Variants in CACNG2 observed in about 807,000 individuals in gnomAD.
CACNG2 encodes the protein voltage-dependent calcium channel gamma-2 subunit.
A neutral mutation model predicts 25.9 loss-of-function variants in CACNG2; 3 were observed. The observed-to-expected ratio is 0.12, with a 90% CI of 0.05 to 0.30. CACNG2 has a LOEUF of 0.30. CACNG2 is among the 10% of genes least tolerant of loss of function. The pLI, the probability that CACNG2 is intolerant of heterozygous loss-of-function variation, is 1.00. For missense variants in CACNG2, 341 were observed against 432.5 expected (o/e 0.79, Z 1.88); for synonymous variants, 167 against 173.3 (o/e 0.96, Z 0.29).
chr22:36,579,489 A>G (rs986936281), intron 2 of CACNG2, among the ~76,000 whole-genome samples: 4 of 142,864 alleles, frequency 2.8e-5, no homozygotes, highest in South Asian at 2.3e-4. Context: ...CCACCTCTCC[A>G]CTACCGGGCC....
intron 1 of CACNG2, among the ~76,000 whole-genome samples, chr22:36,679,197 C>CCTTCCTTCCTTTCTTTCTTTCTTT (rs1491420417): frequency 1.3e-3 from 73 of 54,748 alleles, no homozygotes; most frequent in African/African-American, 4.6e-3. Context: ...TTCCTTCCTT[C>CCTTCCTTCCTTTCTTTCTTTCTTT]CTTTCTTTCT....
chr22:36,613,603 G>A (rs1242754715), intron 1 of CACNG2, among the ~76,000 whole-genome samples: 1 of 151,814 alleles, frequency 6.6e-6, no homozygotes, highest in Non-Finnish European at 1.5e-5. Flanking sequence ...TCTCTCTTTG[G>A]CTGTCTTCTC....
chr22:36,640,266 G>C (rs1347886811), intron 1 of CACNG2, among the ~76,000 whole-genome samples: 2 of 152,230 alleles, frequency 1.3e-5, no homozygotes, highest in African/African-American at 2.4e-5. Flanking sequence ...GAAGCCTGCT[G>C]TGTCCACAGA....
chr22:36,692,522 C>T (rs1189417965), intron 1 of CACNG2, among the ~76,000 whole-genome samples: 1 of 152,184 alleles, frequency 6.6e-6, no homozygotes, highest in African/African-American at 2.4e-5. Context: ...TCCCAGGTTG[C>T]AGGGGAAACA....
At chr22:36,701,793 G>A (rs1041612088) in intron 1 of CACNG2, among the ~76,000 whole-genome samples, 5 of 152,102 alleles carry the variant, frequency 3.3e-5, no homozygotes, top group African/African-American at 7.2e-5. Flanking sequence ...TAGACATTAC[G>A]AAATGCTCTT....
chr22:36,639,227 A>G (rs1936405203), intron 1 of CACNG2, among the ~76,000 whole-genome samples: 1 of 152,238 alleles, frequency 6.6e-6, no homozygotes, highest in Non-Finnish European at 1.5e-5. Context: ...CTGTTTTGAT[A>G]TGAAATTGAA....
At chr22:36,644,985 C>T (rs756138646) in intron 1 of CACNG2, among the ~76,000 whole-genome samples, 19 of 152,126 alleles carry the variant, frequency 1.2e-4, no homozygotes, top group Non-Finnish European at 2.5e-4. Context: ...TACTTTCATC[C>T]TTCTATCAAA....
At chr22:36,679,916 T>A (rs1879264042) in intron 1 of CACNG2, among the ~76,000 whole-genome samples, 1 of 152,034 alleles carries the variant, frequency 6.6e-6, no homozygotes, top group Non-Finnish European at 1.5e-5. Context: ...CCTGTTATCA[T>A]CACAAGCACC....
chr22:36,663,683 G>A (rs962826178), intron 1 of CACNG2, among the ~76,000 whole-genome samples: 1 of 152,140 alleles, frequency 6.6e-6, no homozygotes, highest in East Asian at 1.9e-4. Flanking sequence ...TGCAGCGCTC[G>A]CAGAGTCCTC....
intron 1 of CACNG2, among the ~76,000 whole-genome samples, chr22:36,615,322 A>T (rs140891106): frequency 2.0e-5 from 3 of 152,254 alleles, no homozygotes; most frequent in Admixed American, 6.5e-5. Context: ...CCTGTATCTC[A>T]TGGGTACCAC....
chr22:36,644,130 G>A (rs1243907250), intron 1 of CACNG2, among the ~76,000 whole-genome samples: 2 of 152,158 alleles, frequency 1.3e-5, no homozygotes, highest in Non-Finnish European at 2.9e-5. Flanking sequence ...TGCAACGGGA[G>A]GACTAAATAT....
At position 36,564,090 on chromosome 22, in the gene CACNG2, C is replaced by T. The variant is rs952794102; in HGVS notation, c.*261G>A. ...TTTTTTTTAAAGTTTGTTTTCTTCC[C>T]TCGTTTATATTTTCCCACATTTCCT... On this transcript the variant is annotated 3_prime_UTR_variant, in exon 4 of 4. Coordinates refer to ENST00000300105, the MANE Select transcript of CACNG2 (RefSeq NM_006078.5). The surrounding 1 kb of genome is among the most constrained non-coding windows in gnomAD (Gnocchi z 6.7). 12 of 339,598 alleles carry T rather than the reference C, an allele frequency of 3.5e-5. 1 individual carries two copies. In the South Asian group the frequency reaches 1.2e-3, roughly 35 times the overall value. 21.0% of individuals were successfully genotyped at this position (339,598 alleles called of 1,614,324 possible). A position where few individuals can be genotyped will look rare whatever the true frequency, so the allele number is the denominator to read the frequency against.
intron 1 of CACNG2, among the ~76,000 whole-genome samples, chr22:36,689,837 A>G (rs1342909883): frequency 2.0e-5 from 3 of 152,244 alleles, no homozygotes; most frequent in Non-Finnish European, 2.9e-5. Flanking sequence ...GGTCAAGGTC[A>G]GAAAATGTCA....
Position 36,702,786 on chromosome 22 carries a change from C to T in CACNG2, c.-210G>A. On this transcript the variant is annotated 5_prime_UTR_variant, in exon 1 of 4. In the 5' UTR this introduces an upstream ATG that the reference lacks. Coordinates refer to ENST00000300105, the MANE Select transcript of CACNG2 (RefSeq NM_006078.5). ...AAAAGAGTGTAAATTATAAAGATCA[C>T]ACGGGAAGAGGCTTGCCTTTTGAGA... 1 of 493,924 alleles carries T rather than the reference C, an allele frequency of 2.0e-6. No homozygotes were observed. 30.6% of individuals were successfully genotyped at this position (493,924 alleles called of 1,614,324 possible).
chr22:36,651,289 T>C (rs557223632), intron 1 of CACNG2, among the ~76,000 whole-genome samples: 2 of 143,578 alleles, frequency 1.4e-5, no homozygotes, highest in African/African-American at 5.1e-5. Context: ...AGTGTAGTGA[T>C]GCAATCTCGG....
chr22:36,568,990 T>C (rs1257634380), intron 2 of CACNG2, among the ~76,000 whole-genome samples: 1 of 152,078 alleles, frequency 6.6e-6, no homozygotes. Context: ...TTGCAAATCA[T>C]TGCTAAGACA....
At chr22:36,660,827 A>C (rs1239775124) in intron 1 of CACNG2, among the ~76,000 whole-genome samples, 1 of 152,268 alleles carries the variant, frequency 6.6e-6, no homozygotes, top group Non-Finnish European at 1.5e-5. Flanking sequence ...CTACTCTGCT[A>C]AAGTTTTTTA....
At chr22:36,576,900 C>G (rs964683260) in intron 2 of CACNG2, among the ~76,000 whole-genome samples, 1 of 152,118 alleles carries the variant, frequency 6.6e-6, no homozygotes, top group East Asian at 1.9e-4. Flanking sequence ...TGAACGTGTG[C>G]TATATATAAT....
In CACNG2 at chr22:36,623,310, CA is replaced by C. The variant is rs1478610351; in HGVS notation, c.212-35763del. Among the ~76,000 whole-genome samples the C allele has an allele frequency of 3.9e-5, 6 of 152,206 alleles. 1 individual carries two copies. In the South Asian group the frequency reaches 1.2e-3, roughly 32 times the overall value. On this transcript the variant is annotated intron_variant, in intron 1 of 3. Coordinates refer to ENST00000300105, the MANE Select transcript of CACNG2 (RefSeq NM_006078.5). ...TGCTGGGATTACAGGCATGAGCCAC[CA>C]TGCCCAGTCCAGAACGTGGATTATT...
Sources: allele counts gnomAD v4.1 joint callset (sites outside exome capture counted in the v4.1 genomes callset), GRCh38; gene constraint gnomAD v4.1.1; non-coding constraint Gnocchi (gnomAD v3.1); transcripts MANE v1.5; gene names NCBI Gene and HGNC (gene_info 2026-07-23, HGNC 2026-07-21).